The following BCL2L13 variants were observed in gnomAD, a reference collection of about 807,000 sequenced individuals.
BCL2L13 encodes BCL2 like 13.
A neutral mutation model predicts 25.8 loss-of-function variants in BCL2L13; 13 were observed. That is an observed-to-expected ratio of 0.50 (90% CI 0.33 to 0.80). BCL2L13 has a LOEUF of 0.80. BCL2L13 is among the 30% of genes least tolerant of loss of function. The pLI is 0.02. For missense variants in BCL2L13, 504 were observed against 574.9 expected, an observed-to-expected ratio of 0.88 and a Z score of 1.26; for synonymous variants, 244 against 230.3, an observed-to-expected ratio of 1.06 and a Z score of -0.54.
At chr22:17,685,366 C>G in intron 3 of BCL2L13, among the ~76,000 whole-genome samples, 1 of 152,114 alleles carries the variant, frequency 6.6e-6, no homozygotes, top group Admixed American at 6.5e-5. Flanking sequence ...GCTGGGATTA[C>G]AGGTACCCAC....
chr22:17,677,424 A>T (rs1474933543), intron 2 of BCL2L13, among the ~76,000 whole-genome samples: 1 of 152,196 alleles, frequency 6.6e-6, no homozygotes, highest in Non-Finnish European at 1.5e-5. Context: ...GGGATTCTTT[A>T]ATTTGGTTGC....
intron 6 of BCL2L13, among the ~76,000 whole-genome samples, chr22:17,711,093 A>G (rs1021223743): frequency 1.3e-5 from 2 of 151,840 alleles, no homozygotes; most frequent in Non-Finnish European, 2.9e-5. Context: ...GCGGTGGCTC[A>G]TGCCTGTAAT....
Position 17,696,217 on chromosome 22 carries a change from T to A in BCL2L13, c.456+7T>A. 1.2e-6 allele frequency: 2 copies of A among 1,610,600 alleles called. No homozygotes were observed. The highest frequency in any genetic ancestry group is 1.7e-6 in the Non-Finnish European group (2 of 1,176,900). The stretch of plus-strand genomic sequence containing the variant: ...TGCCAGCGGCTGGAATAAGGTATCA[T>A]CACAATGATCTTTTCTCTTAAAAGA... On this transcript the variant is annotated splice_region_variant and intron_variant, in intron 5 of 6. Transcript: ENST00000317582.
intron 6 of BCL2L13, among the ~76,000 whole-genome samples, chr22:17,709,857 C>G (rs1036148707): frequency 6.7e-6 from 1 of 149,890 alleles, no homozygotes; most frequent in Non-Finnish European, 1.5e-5. Context: ...GGCAGATTGC[C>G]CAAGTCCAGG....
chr22:17,637,088 C>A (rs2146358520), upstream of BCL2L13, among the ~76,000 whole-genome samples: 1 of 151,832 alleles, frequency 6.6e-6, no homozygotes, highest in Non-Finnish European at 1.5e-5. Context: ...GCCTGGCCAA[C>A]ATGGTGAGAC....
At chr22:17,705,656 A>G (rs1401580096) in intron 6 of BCL2L13, among the ~76,000 whole-genome samples, 3 of 152,132 alleles carry the variant, frequency 2.0e-5, no homozygotes, top group Admixed American at 2.0e-4. Context: ...TAAGCTGTCA[A>G]CATGAATCTC....
intron 1 of BCL2L13, among the ~76,000 whole-genome samples, chr22:17,640,871 T>A (rs919441551): frequency 7.1e-6 from 1 of 141,482 alleles, no homozygotes; most frequent in Admixed American, 7.7e-5. Context: ...ATATGTTTGT[T>A]TATTAATTTT....
intron 6 of BCL2L13, among the ~76,000 whole-genome samples, chr22:17,724,534 A>G (rs1322532738): frequency 6.6e-6 from 1 of 152,176 alleles, no homozygotes; most frequent in Non-Finnish European, 1.5e-5. Context: ...TCGAGGTAGA[A>G]AGTGGTGCAG....
intron 2 of BCL2L13, among the ~76,000 whole-genome samples, chr22:17,676,956 T>C (rs1467367273): frequency 6.6e-6 from 1 of 152,208 alleles, no homozygotes; most frequent in African/African-American, 2.4e-5. Flanking sequence ...ATGAATGTAG[T>C]TTATCAAAGT....
At chr22:17,706,707 T>A (rs2060601803) in intron 6 of BCL2L13, 1 of 1,351,308 alleles carries the variant, frequency 7.4e-7, no homozygotes, top group Non-Finnish European at 9.8e-7. Flanking sequence ...TCATGTGCTG[T>A]GATTCTCCCT....
chr22:17,684,611 T>G (rs776082331), intron 3 of BCL2L13: 3 of 454,066 alleles, frequency 6.6e-6, no homozygotes, highest in Middle Eastern at 1.4e-3. Flanking sequence ...TTGCCCAGGC[T>G]GGAGTGCAGT....
intron 2 of BCL2L13, among the ~76,000 whole-genome samples, chr22:17,667,963 C>CTTTTTTTT (rs71201863): frequency 7.0e-5 from 5 of 71,684 alleles, no homozygotes; most frequent in South Asian, 5.2e-4. Flanking sequence ...TCCAGTTTGT[C>CTTTTTTTT]TTTTTTTTTT....
rs1017003709 is a variant in BCL2L13, at chr22:17,683,818, GAATA to G, written c.229+501_229+504del. Among the ~76,000 whole-genome samples, 46 of 149,848 alleles carry G rather than the reference GAATA, an allele frequency of 3.1e-4. 1 individual carries two copies. The highest frequency in any genetic ancestry group is 1.5e-5 in the Non-Finnish European group (1 of 67,676). ...CTAACTGCGTGAAATTTCATTCACT[GAATA>G]AATGTTTTTACTCAGTCATTCCATT... On this transcript the variant is annotated intron_variant, in intron 3 of 6. Transcript: ENST00000317582.
At chr22:17,655,129 G>T (rs1486040757) in intron 1 of BCL2L13, among the ~76,000 whole-genome samples, 1 of 150,844 alleles carries the variant, frequency 6.6e-6, no homozygotes, top group African/African-American at 2.4e-5. Flanking sequence ...AGACTCATTA[G>T]CCCAGGCCTA....
chr22:17,647,505 A>G (rs1041177546), intron 1 of BCL2L13, among the ~76,000 whole-genome samples: 12 of 152,140 alleles, frequency 7.9e-5, no homozygotes, highest in Non-Finnish European at 2.9e-5. Flanking sequence ...GTGATACTAC[A>G]AAAACCACCT....
chr22:17,638,503 C>T (rs2058150913), upstream of BCL2L13: 2 of 418,080 alleles, frequency 4.8e-6, no homozygotes, highest in Admixed American at 8.8e-5. Flanking sequence ...GCCTGCCCTT[C>T]CTCCAACACA....
At chr22:17,640,896 A>T (rs201661423) in intron 1 of BCL2L13, among the ~76,000 whole-genome samples, 67 of 35,810 alleles carry the variant, frequency 1.9e-3, no homozygotes, top group Admixed American at 0.011. Context: ...ATATATATAT[A>T]TATTTTTTTT....
At chr22:17,704,543 A>G (rs554738280) in intron 6 of BCL2L13, among the ~76,000 whole-genome samples, 50 of 152,052 alleles carry the variant, frequency 3.3e-4, no homozygotes, top group East Asian at 2.8e-3. Flanking sequence ...TGGGAGGCCA[A>G]GGCAGGCGGA....
chr22:17,706,158 G>A (rs73378760), intron 6 of BCL2L13, among the ~76,000 whole-genome samples: 8,115 of 152,062 alleles, frequency 0.053, 361 homozygotes, highest in African/African-American at 0.12. Flanking sequence ...GGGACCACAG[G>A]TGTGCATGCA....
Sources: allele counts gnomAD v4.1 joint callset (sites outside exome capture counted in the v4.1 genomes callset), GRCh38; gene constraint gnomAD v4.1.1; transcripts MANE v1.5; gene names NCBI Gene and HGNC (gene_info 2026-07-23, HGNC 2026-07-21).